The following CFAP299 variants were observed in gnomAD, a reference collection of about 807,000 sequenced individuals.
CFAP299 encodes the protein cilia and flagella associated protein 299.
In CFAP299, 21 loss-of-function variants were observed where a neutral mutation model predicts 27.0. That is an observed-to-expected ratio of 0.78 (90% CI 0.55 to 1.12). The LOEUF (loss-of-function observed/expected upper bound fraction) is 1.12. Among genes scored for constraint, CFAP299 ranks in the 50% most tolerant of loss-of-function variants. The pLI, the probability that CFAP299 is intolerant of heterozygous loss-of-function variation, is 0.00. For missense variants in CFAP299, 310 were observed against 276.6 expected, an observed-to-expected ratio of 1.12 and a Z score of -0.86; for synonymous variants, 104 against 98.1, an observed-to-expected ratio of 1.06 and a Z score of -0.36.
intron 3 of CFAP299, among the ~76,000 whole-genome samples, chr4:80,850,062 A>C (rs1309473054): frequency 6.6e-6 from 1 of 152,158 alleles, no homozygotes; most frequent in Admixed American, 6.6e-5. Flanking sequence ...AAAACAACCC[A>C]ATAGAAAATA....
At chr4:80,585,446 A>AT (rs1385361876) in intron 3 of CFAP299, among the ~76,000 whole-genome samples, 3 of 152,034 alleles carry the variant, frequency 2.0e-5, no homozygotes, top group Admixed American at 2.0e-4. Context: ...TTACTAAGTT[A>AT]TTTTTTTCCT....
In CFAP299 at chr4:80,335,766, G is replaced by T. The variant is rs372890526; in HGVS notation, c.-3G>T. On this transcript the variant is annotated 5_prime_UTR_variant, in exon 1 of 6. Coordinates refer to ENST00000358105, the MANE Select transcript of CFAP299 (RefSeq NM_152770.3). ...TAGGGACGCTTCGGCCGAGGATACC[G>T]CAATGGATCAGGAAGAGGGGCTGAA... 3 of 1,593,754 alleles carry T rather than the reference G, an allele frequency of 1.9e-6. No individual in the cohort carries two copies.
chr4:80,645,262 A>G (rs1355143496), intron 3 of CFAP299, among the ~76,000 whole-genome samples: 1 of 152,242 alleles, frequency 6.6e-6, no homozygotes, highest in East Asian at 1.9e-4. Flanking sequence ...TAAAATCTGT[A>G]TTTAAGTCAA....
chr4:80,820,636 A>G (rs557202709), intron 3 of CFAP299, among the ~76,000 whole-genome samples: 40 of 152,206 alleles, frequency 2.6e-4, no homozygotes, highest in African/African-American at 9.1e-4. Context: ...CAGAAGAGCC[A>G]TGTGGTCTGA....
At chr4:80,606,392 T>C (rs565853554) in intron 3 of CFAP299, among the ~76,000 whole-genome samples, 5 of 152,078 alleles carry the variant, frequency 3.3e-5, no homozygotes, top group Admixed American at 1.3e-4. Context: ...AAAAATTAGC[T>C]GGGATGGTGG....
intron 4 of CFAP299, among the ~76,000 whole-genome samples, chr4:80,897,513 G>A (rs1189537528): frequency 6.6e-6 from 1 of 152,154 alleles, no homozygotes; most frequent in Non-Finnish European, 1.5e-5. Context: ...CAACATCACT[G>A]GGAGGACTGA....
At chr4:80,933,600 A>C (rs1286506307) in intron 4 of CFAP299, among the ~76,000 whole-genome samples, 1 of 152,088 alleles carries the variant, frequency 6.6e-6, no homozygotes, top group Non-Finnish European at 1.5e-5. Flanking sequence ...TTTTTATGAC[A>C]TCAATTCATT....
chr4:80,696,914 C>T (rs1255630297), intron 3 of CFAP299, among the ~76,000 whole-genome samples: 10 of 152,100 alleles, frequency 6.6e-5, no homozygotes, highest in Admixed American at 6.6e-4. Context: ...GATCTTTATG[C>T]ATAGACAAGC....
chr4:80,421,079 C>T (rs1727265725), intron 2 of CFAP299, among the ~76,000 whole-genome samples: 1 of 152,148 alleles, frequency 6.6e-6, no homozygotes, highest in Admixed American at 6.5e-5. Flanking sequence ...CTTATCTCCT[C>T]ATATATAATC....
intron 2 of CFAP299, among the ~76,000 whole-genome samples, chr4:80,400,291 T>C (rs1726078075): frequency 6.6e-6 from 1 of 152,140 alleles, no homozygotes; most frequent in Admixed American, 6.6e-5. Flanking sequence ...TGTTTAACGC[T>C]CACAACTATC....
chr4:80,754,569 A>G (rs937364582), intron 3 of CFAP299, among the ~76,000 whole-genome samples: 2 of 150,826 alleles, frequency 1.3e-5, no homozygotes, highest in Non-Finnish European at 3.0e-5. Context: ...TTTTTTTTAC[A>G]GTGGTTGCTC....
intron 3 of CFAP299, chr4:80,648,775 T>A (rs1280437782): frequency 1.3e-5 from 2 of 152,166 alleles, no homozygotes; most frequent in East Asian, 3.8e-4. Flanking sequence ...TAATTTAAGT[T>A]AAAATTATGA....
At chr4:80,578,561 C>G (rs1330885249) in intron 2 of CFAP299, among the ~76,000 whole-genome samples, 1 of 152,038 alleles carries the variant, frequency 6.6e-6, no homozygotes, top group Non-Finnish European at 1.5e-5. Flanking sequence ...AAAAGAAGAA[C>G]AGTATGAACT....
intron 4 of CFAP299, among the ~76,000 whole-genome samples, chr4:80,895,170 C>CCA (rs66497721): frequency 0.031 from 4,047 of 132,570 alleles, 49 homozygotes; most frequent in African/African-American, 0.047. Flanking sequence ...AATGTTCTCA[C>CCA]CACACACACA....
At chr4:80,824,566 C>G (rs1729882224) in intron 3 of CFAP299, among the ~76,000 whole-genome samples, 1 of 152,060 alleles carries the variant, frequency 6.6e-6, no homozygotes, top group East Asian at 1.9e-4. Context: ...TTATTTTTCC[C>G]CTTTTTAGAG....
chr4:80,549,278 AATG>A (rs1734389715), intron 2 of CFAP299, among the ~76,000 whole-genome samples: 1 of 152,120 alleles, frequency 6.6e-6, no homozygotes, highest in Non-Finnish European at 1.5e-5. Context: ...AATAAACATA[AATG>A]ATGATGATGG....
chr4:80,446,791 C>G (rs1435919336), intron 2 of CFAP299, among the ~76,000 whole-genome samples: 1 of 152,156 alleles, frequency 6.6e-6, no homozygotes, highest in East Asian at 1.9e-4. Flanking sequence ...TGAAAGAAAA[C>G]TTCTATCAAT....
intron 3 of CFAP299, among the ~76,000 whole-genome samples, chr4:80,645,529 C>A (rs1401965377): frequency 1.3e-5 from 2 of 151,860 alleles, no homozygotes; most frequent in Admixed American, 1.3e-4. Flanking sequence ...GTCAAGTTAT[C>A]CACACACACA....
chr4:80,444,117 T>C (rs565019608), intron 2 of CFAP299, among the ~76,000 whole-genome samples: 2 of 152,332 alleles, frequency 1.3e-5, no homozygotes, highest in Admixed American at 1.3e-4. Context: ...CAGTAGTTTA[T>C]AGATTCAATG....
Sources: gnomAD v4.1 joint callset for allele counts (sites outside exome capture counted in the v4.1 genomes callset) on GRCh38, gnomAD v4.1.1 for gene constraint, MANE v1.5 for transcripts, NCBI Gene and HGNC (gene_info 2026-07-23, HGNC 2026-07-21) for gene names.